SGCD: variants seen among roughly 807,000 people sequenced by gnomAD.
The protein encoded by SGCD is delta-sarcoglycan.
SGCD carries 18 observed loss-of-function variants against 36.6 expected under a neutral mutation model. The observed-to-expected ratio is 0.49, with a 90% CI of 0.34 to 0.73. SGCD has a LOEUF of 0.73. Ranked by LOEUF, SGCD falls within the 30% of genes least tolerant of loss-of-function variation. SGCD has a pLI of 0.01. For missense variants in SGCD, 387 were observed against 346.7 expected, an observed-to-expected ratio of 1.12 and a Z score of -0.92; for synonymous variants, 133 against 130.6, an observed-to-expected ratio of 1.02 and a Z score of -0.12.
chr5:156,420,908 T>C (rs1773274513), intron 3 of SGCD, among the ~76,000 whole-genome samples: 1 of 152,138 alleles, frequency 6.6e-6, no homozygotes, highest in Admixed American at 6.6e-5. Flanking sequence ...TCAGTTCTAG[T>C]CAACTGACAT....
At chr5:155,736,659 A>G in the SGCD span, among the ~76,000 whole-genome samples, 7 of 152,158 alleles carry the variant, frequency 4.6e-5, no homozygotes, top group Non-Finnish European at 7.3e-5. Context: ...ATGGGCATTG[A>G]GGATAAATAT....
chr5:156,620,146 G>C (rs1222830510), intron 6 of SGCD, among the ~76,000 whole-genome samples: 1 of 152,196 alleles, frequency 6.6e-6, no homozygotes, highest in Non-Finnish European at 1.5e-5. Context: ...CACTGGGTAA[G>C]TTTATCAATC....
chr5:155,927,844 C>G (rs1367801907), intron 1 of SGCD, among the ~76,000 whole-genome samples: 1 of 152,140 alleles, frequency 6.6e-6, no homozygotes, highest in Non-Finnish European at 1.5e-5. Context: ...AGTGGCATAC[C>G]AACTTCTGAA....
intron 4 of SGCD, among the ~76,000 whole-genome samples, chr5:156,520,852 C>T (rs1219980231): frequency 6.6e-6 from 1 of 151,776 alleles, no homozygotes. Context: ...CCCATCTCTA[C>T]TAAAAATACA....
In SGCD at chr5:156,230,270, T is replaced by C. The variant is rs142521604; in HGVS notation, c.-43-99264T>C. Reference sequence around the variant, plus strand: ...GTTAAAGAACCTTGTTTTCCCTTATTACCAGAGTTGGTTTTCCACTCCTTC... The same window carrying C: ...GTTAAAGAACCTTGTTTTCCCTTATCACCAGAGTTGGTTTTCCACTCCTTC... On this transcript the variant is annotated intron_variant, in intron 3 of 9. Coordinates refer to the SGCD transcript ENST00000517913. Among the ~76,000 whole-genome samples, 99 of 152,278 alleles carry C rather than the reference T, an allele frequency of 6.5e-4. 1 individual carries two copies. In the Middle Eastern group the frequency reaches 0.017, roughly 26 times the overall value.
At chr5:155,761,861 A>G in the SGCD span, among the ~76,000 whole-genome samples, 1 of 152,046 alleles carries the variant, frequency 6.6e-6, no homozygotes, top group African/African-American at 2.4e-5. Flanking sequence ...CATCTTCATT[A>G]TCATCTCCAT....
At chr5:155,880,841 A>G (rs1755866105) in intron 1 of SGCD, among the ~76,000 whole-genome samples, 1 of 152,032 alleles carries the variant, frequency 6.6e-6, no homozygotes, top group Non-Finnish European at 1.5e-5. Context: ...AAGGACATAG[A>G]TTGGTTAATA....
Position 156,702,008 on chromosome 5 carries a change from A to G in SGCD, c.575+54472A>G, listed in dbSNP as rs111948841. Among the ~76,000 whole-genome samples, 415 of 152,274 alleles carry G rather than the reference A, an allele frequency of 2.7e-3. 2 individuals carry two copies. Among genetic ancestry groups the G allele is most frequent in the African/African-American group, 9.5e-3 (395 of 41,566 alleles). On this transcript the variant is annotated intron_variant, in intron 7 of 8. Transcript: ENST00000337851. ...CAGTCTTATATTGTCAGATTATATTAGGGTTGCTTCTGTGATTTGAATCTC... is the reference window on the plus strand; with the variant it reads ...CAGTCTTATATTGTCAGATTATATTGGGGTTGCTTCTGTGATTTGAATCTC...
At chr5:156,104,679 T>C (rs537691454) in intron 1 of SGCD, among the ~76,000 whole-genome samples, 7 of 152,336 alleles carry the variant, frequency 4.6e-5, no homozygotes, top group African/African-American at 1.7e-4. Context: ...GGAATCATAA[T>C]GTGTCAGCAG....
At position 156,439,861 on chromosome 5, in the gene SGCD, A is replaced by G. The variant is rs144635530; in HGVS notation, c.193-68740A>G. 3.3e-4 allele frequency among the ~76,000 whole-genome samples: 50 copies of G among 151,968 alleles called. 1 individual carries two copies. The highest frequency in any genetic ancestry group is 1.1e-3 in the African/African-American group (46 of 41,514). ...ATCTTGTTGTATCAGATTGTTGTGG[A>G]AAAAAAATCATGGAAATCAGCAAGA... On this transcript the variant is annotated intron_variant, in intron 3 of 8. Coordinates refer to ENST00000337851, the MANE Select transcript of SGCD (RefSeq NM_000337.6).
intron 1 of SGCD, among the ~76,000 whole-genome samples, chr5:156,029,702 A>G (rs1000937402): frequency 8.5e-5 from 13 of 152,270 alleles, no homozygotes; most frequent in African/African-American, 2.4e-4. Context: ...CAAAAAGAAC[A>G]AGTGATGGAT....
At chr5:156,185,283 C>G (rs1019611528) in intron 3 of SGCD, among the ~76,000 whole-genome samples, 1 of 148,292 alleles carries the variant, frequency 6.7e-6, no homozygotes, top group African/African-American at 2.5e-5. Flanking sequence ...GGCACAATCT[C>G]GGCTCACTGT....
chr5:156,646,596 T>A (rs1353324794), intron 6 of SGCD, among the ~76,000 whole-genome samples: 1 of 152,148 alleles, frequency 6.6e-6, no homozygotes, highest in Non-Finnish European at 1.5e-5. Context: ...CACATGGAAG[T>A]AAGATATTCT....
the SGCD span, among the ~76,000 whole-genome samples, chr5:155,765,688 C>A: frequency 2.0e-5 from 3 of 152,136 alleles, no homozygotes; most frequent in Non-Finnish European, 4.4e-5. Context: ...ATTGGATAAT[C>A]GTTAAACCTC....
chr5:156,642,098 A>G (rs1236917616), intron 6 of SGCD, among the ~76,000 whole-genome samples: 4 of 152,142 alleles, frequency 2.6e-5, no homozygotes, highest in Non-Finnish European at 5.9e-5. Context: ...ATCTTACTGT[A>G]TCTTCACATG....
chr5:156,344,519 A>G lies in SGCD; in HGVS notation c.34A>G (p.Ser12Gly), dbSNP rs367557986. The change falls in exon 3 of 9, where the codon AGC becomes GGC. Residue 12 changes from serine (S) to glycine (G), a missense_variant. Coordinates refer to ENST00000337851, the MANE Select transcript of SGCD (RefSeq NM_000337.6). ...MPQEQYTHHRSTMPGSVGPQV... is the reference protein window; with the variant it reads ...MPQEQYTHHRGTMPGSVGPQV... Reference sequence around the variant, plus strand: ...TCAGGAGCAGTACACTCACCACCGGAGCACCATGCCTGGCTCTGTGGGGCC... The same window carrying G: ...TCAGGAGCAGTACACTCACCACCGGGGCACCATGCCTGGCTCTGTGGGGCC... 1.2e-6 allele frequency: 2 copies of G among 1,608,144 alleles called. No individual in the cohort carries two copies. The highest frequency in any genetic ancestry group is 1.7e-6 in the Non-Finnish European group (2 of 1,177,486).
At chr5:155,976,211 AG>A (rs1282934614) in intron 1 of SGCD, among the ~76,000 whole-genome samples, 1 of 152,178 alleles carries the variant, frequency 6.6e-6, no homozygotes, top group Non-Finnish European at 1.5e-5. Flanking sequence ...GCTCTCTAAA[AG>A]GGTCTTATAC....
intron 3 of SGCD, among the ~76,000 whole-genome samples, chr5:156,189,521 A>G (rs1368345114): frequency 6.6e-6 from 1 of 152,286 alleles, no homozygotes; most frequent in East Asian, 1.9e-4. Flanking sequence ...TAATTAAGAT[A>G]ATCTCTTTTG....
At chr5:156,455,786 T>C (rs1382376191) in intron 3 of SGCD, among the ~76,000 whole-genome samples, 1 of 152,202 alleles carries the variant, frequency 6.6e-6, no homozygotes, top group African/African-American at 2.4e-5. Flanking sequence ...AATAGAATCT[T>C]TGCAGATATA....
Sources: allele counts gnomAD v4.1 joint callset (sites outside exome capture counted in the v4.1 genomes callset), GRCh38; gene constraint gnomAD v4.1.1; transcripts MANE v1.5; gene names NCBI Gene and HGNC (gene_info 2026-07-23, HGNC 2026-07-21).